NHSL2: variants seen among roughly 807,000 people sequenced by gnomAD.
The protein encoded by NHSL2 is NHS-like protein 2.
In NHSL2, 27 loss-of-function variants were observed where a neutral mutation model predicts 53.4. The observed-to-expected ratio is 0.51, with a 90% CI of 0.37 to 0.70. NHSL2 has a LOEUF of 0.70. Among genes scored for constraint, NHSL2 ranks in the 30% least tolerant of loss-of-function variants. NHSL2 has a pLI of 0.00. For missense variants in NHSL2, 892 were observed against 980.1 expected (o/e 0.91, Z 1.20); for synonymous variants, 408 against 404.1 (o/e 1.01, Z -0.12).
At chrX:72,047,515 C>G (rs2042311805) in intron 1 of NHSL2, among the ~76,000 whole-genome samples, 1 of 112,159 alleles carries the variant, frequency 8.9e-6, no homozygotes, top group South Asian at 3.7e-4. Flanking sequence ...ACAGAGAAGA[C>G]ACTCTGGAAT....
At position 72,143,643 on chromosome X, in the gene NHSL2, T is replaced by A; in HGVS notation, c.*69T>A. The A allele has an allele frequency of 1.4e-6, 1 of 690,860 alleles. No homozygotes were observed. The allele number at this position is 690,860 out of a possible 1,213,427, so 56.9% of individuals were successfully genotyped here. On this transcript the variant is annotated 3_prime_UTR_variant, in exon 8 of 8. Coordinates refer to ENST00000633930, the MANE Select transcript of NHSL2 (RefSeq NM_001013627.3). The stretch of plus-strand genomic sequence containing the variant: ...GAGAAGGGGGAAGAGAAAGGGTCTT[T>A]AAACAGAACCATGGGAACAACAGAG...
chrX:72,077,130 T>A (rs2041750830), intron 1 of NHSL2, among the ~76,000 whole-genome samples: 1 of 110,476 alleles, frequency 9.1e-6, no homozygotes, highest in Non-Finnish European at 1.9e-5. Flanking sequence ...GAGATAAAAG[T>A]CATGCACTGC....
At chrX:71,940,013 A>AGACT (rs759288184) in intron 1 of NHSL2, among the ~76,000 whole-genome samples, 54 of 112,010 alleles carry the variant, frequency 4.8e-4, no homozygotes, top group Non-Finnish European at 9.6e-4. Flanking sequence ...AGACCTTGGA[A>AGACT]GACTGTGCAG....
At chrX:72,122,782 C>T (rs1002732216) in intron 1 of NHSL2, among the ~76,000 whole-genome samples, 12 of 112,343 alleles carry the variant, frequency 1.1e-4, no homozygotes, top group African/African-American at 3.2e-4. Flanking sequence ...TCCCTACTGT[C>T]CACACCTCCA....
intron 1 of NHSL2, among the ~76,000 whole-genome samples, chrX:72,104,260 A>G (rs929214063): frequency 3.6e-5 from 4 of 112,635 alleles, no homozygotes; most frequent in Non-Finnish European, 5.6e-5. Flanking sequence ...AGCTCATGTT[A>G]CTTAATGTGT....
chrX:71,975,395 A>T (rs756961475), intron 1 of NHSL2, among the ~76,000 whole-genome samples: 1 of 110,909 alleles, frequency 9.0e-6, no homozygotes, highest in Non-Finnish European at 1.9e-5. Context: ...TTGCCCAAAC[A>T]TTTGTATTTT....
At chrX:72,051,856 G>A (rs1172025640) in intron 1 of NHSL2, among the ~76,000 whole-genome samples, 3 of 111,652 alleles carry the variant, frequency 2.7e-5, no homozygotes, top group African/African-American at 9.8e-5. Flanking sequence ...TAGTCTCAGT[G>A]TTCACTTCCA....
In NHSL2 at chrX:71,945,218, G is replaced by A. The variant is rs766838266; in HGVS notation, c.280+33851G>A. 3.6e-5 allele frequency among the ~76,000 whole-genome samples: 4 copies of A among 112,189 alleles called. No individual in the cohort carries two copies. The South Asian group carries it at 1.5e-3, about 42-fold the overall frequency. On this transcript the variant is annotated intron_variant, in intron 1 of 7. Transcript: ENST00000633930. Reference sequence around the variant, plus strand: ...CTATTCCTTCTTTCACCATGAAGACGGAAAGGTTAAGATAGAGCTTGAACT... The same window carrying A: ...CTATTCCTTCTTTCACCATGAAGACAGAAAGGTTAAGATAGAGCTTGAACT...
chrX:72,098,298 T>C (rs1213901440), intron 1 of NHSL2, among the ~76,000 whole-genome samples: 1 of 112,042 alleles, frequency 8.9e-6, no homozygotes, highest in African/African-American at 3.2e-5. Context: ...AAGAGGAAGT[T>C]GGCCGGGCGC....
chrX:72,076,037 G>A (rs1286514175), intron 1 of NHSL2, among the ~76,000 whole-genome samples: 2 of 110,683 alleles, frequency 1.8e-5, no homozygotes, highest in Non-Finnish European at 3.8e-5. Context: ...GGGTTCAAGC[G>A]ATTCTCCTGC....
chrX:72,124,051 T>C (rs759251251), intron 1 of NHSL2, among the ~76,000 whole-genome samples: 3 of 111,169 alleles, frequency 2.7e-5, no homozygotes, highest in Non-Finnish European at 5.7e-5. Context: ...GTCTTTGGAG[T>C]CCCTGGGGAG....
Position 72,150,397 on chromosome X carries a change from A to G in NHSL2, c.*6823A>G, listed in dbSNP as rs2147543574. On this transcript the variant is annotated 3_prime_UTR_variant, in exon 8 of 8. Transcript: ENST00000633930. ...TGGTGTTTATTTAAAAGTAGGGTAC[A>G]ACCCAACCAATATTAGCTTTCCCAG... 8.9e-6 allele frequency: 1 copy of G among 112,227 alleles called. No individual in the cohort carries two copies. The highest frequency in any genetic ancestry group is 3.2e-5 in the African/African-American group (1 of 30,922). The allele number at this position is 112,227 out of a possible 1,213,427, so 9.2% of individuals were successfully genotyped here.
At chrX:71,913,590 C>T (rs1385416796) in intron 1 of NHSL2, among the ~76,000 whole-genome samples, 1 of 112,518 alleles carries the variant, frequency 8.9e-6, no homozygotes, top group Non-Finnish European at 1.9e-5. Context: ...CCTGCATATC[C>T]TCCATCTGTC....
At chrX:71,956,708 A>G (rs2147845288) in intron 1 of NHSL2, among the ~76,000 whole-genome samples, 1 of 111,505 alleles carries the variant, frequency 9.0e-6, no homozygotes, top group Non-Finnish European at 1.9e-5. Flanking sequence ...AAAACAGGCT[A>G]AGAAAGAAGA....
At chrX:72,101,762 A>T (rs1485628478) in intron 1 of NHSL2, among the ~76,000 whole-genome samples, 1 of 110,347 alleles carries the variant, frequency 9.1e-6, no homozygotes, top group Non-Finnish European at 1.9e-5. Context: ...TTCCCTTCCT[A>T]CTGCTGCCTC....
rs180677846 is a variant in NHSL2, at chrX:72,134,673, G to A, written c.729G>A (p.Thr243=). 5.2e-3 allele frequency: 6,045 copies of A among 1,165,518 alleles called. 69 individuals carry two copies. Among genetic ancestry groups the A allele is most frequent in the Middle Eastern group, 0.017 (72 of 4,307 alleles). Residue 243 remains threonine (T), a synonymous_variant, in exon 4 of 8, where the codon ACG becomes ACA. Coordinates refer to ENST00000633930, the MANE Select transcript of NHSL2 (RefSeq NM_001013627.3). ...EEKRWPQLCS[T]QSDIVPINIS... is the part of the protein sequence containing the mutation. ...AGCGGTGGCCTCAGCTTTGCTCCACGCAGTCTGACATTGTGCCCATCAACA... is the reference window on the plus strand; with the variant it reads ...AGCGGTGGCCTCAGCTTTGCTCCACACAGTCTGACATTGTGCCCATCAACA...
chrX:72,085,525 A>G (rs2041831400), intron 1 of NHSL2, among the ~76,000 whole-genome samples: 1 of 111,439 alleles, frequency 9.0e-6, no homozygotes, highest in Non-Finnish European at 1.9e-5. Flanking sequence ...CAAACTTGAG[A>G]AAACTGGGAT....
intron 1 of NHSL2, among the ~76,000 whole-genome samples, chrX:71,912,071 G>T (rs767757507): frequency 1.7e-4 from 19 of 112,563 alleles, no homozygotes; most frequent in African/African-American, 5.8e-4. Flanking sequence ...TTGCTGGAGA[G>T]AATCATTTAA....
intron 1 of NHSL2, among the ~76,000 whole-genome samples, chrX:72,073,102 G>C: frequency 8.9e-6 from 1 of 112,350 alleles, no homozygotes. Flanking sequence ...CTTTTCAAAC[G>C]AAGAAGGGTG....
Sources: allele counts gnomAD v4.1 joint callset (sites outside exome capture counted in the v4.1 genomes callset), GRCh38; gene constraint gnomAD v4.1.1; transcripts MANE v1.5; gene names NCBI Gene and HGNC (gene_info 2026-07-23, HGNC 2026-07-21).